The following PPA1 variants were observed in gnomAD, a reference collection of about 807,000 sequenced individuals.
PPA1 encodes the protein inorganic pyrophosphatase.
A neutral mutation model predicts 41.8 loss-of-function variants in PPA1; 23 were observed. The ratio of observed to expected loss-of-function variants is 0.55; its 90% CI spans 0.40 to 0.78. The LOEUF (loss-of-function observed/expected upper bound fraction) is 0.78. PPA1 is among the 30% of genes least tolerant of loss of function. The pLI is 0.00. For missense variants in PPA1, 320 were observed against 361.6 expected (o/e 0.89, Z 0.93); for synonymous variants, 101 against 116.8 (o/e 0.86, Z 0.87).
At chr10:70,220,546 T>A (rs1215603229) in intron 2 of PPA1, among the ~76,000 whole-genome samples, 1 of 12,492 alleles carries the variant, frequency 8.0e-5, no homozygotes, top group African/African-American at 6.8e-4. Flanking sequence ...AATTTTTATG[T>A]ATAATATATA....
chr10:70,233,333 C>G lies in PPA1; in HGVS notation c.-6G>C, dbSNP rs1309578540. On this transcript the variant is annotated 5_prime_UTR_variant, in exon 1 of 11. Coordinates refer to ENST00000373232, the MANE Select transcript of PPA1 (RefSeq NM_021129.4). ...TCGGTGCTGAAGCCGCTCATAGTGC[C>G]GGAGTCCTGCCGCCGCCGCTGCCAC... 8 of 1,536,936 alleles carry G rather than the reference C, an allele frequency of 5.2e-6. No individual in the cohort carries two copies. The East Asian group carries it at 7.5e-5, about 14-fold the overall frequency.
In PPA1 at chr10:70,209,192, T is replaced by G. The variant is rs1019730521; in HGVS notation, c.725+13A>C. Reference sequence around the variant, plus strand: ...TGCTTTGTGTGTTAAACATGCAAAGTGTTTACACTTACCAACTGATTCCTT... The same window carrying G: ...TGCTTTGTGTGTTAAACATGCAAAGGGTTTACACTTACCAACTGATTCCTT... On this transcript the variant is annotated intron_variant, in intron 8 of 10. Transcript: ENST00000373232. 10 of 1,551,814 alleles carry G rather than the reference T, an allele frequency of 6.4e-6. No homozygotes were observed. The highest frequency in any genetic ancestry group is 8.9e-6 in the Non-Finnish European group (10 of 1,124,116).
Position 70,217,842 on chromosome 10 carries a change from T to A in PPA1, c.267A>T (p.Gly89=). The A allele has an allele frequency of 6.2e-7, 1 of 1,601,898 alleles. No homozygotes were observed. Among genetic ancestry groups the A allele is most frequent in the Non-Finnish European group, 8.5e-7 (1 of 1,172,836 alleles). The stretch of plus-strand genomic sequence containing the variant: ...GGATGGCACCATAGTTCCAGATATA[T>A]CCTTTATACGGGAACAAATTCGCAA... ...RYVANLFPYK[G]YIWNYGAIPQ... The change falls in exon 4 of 11, where the codon GGA becomes GGT. Residue 89 remains glycine (G), a synonymous_variant. Coordinates refer to ENST00000373232, the MANE Select transcript of PPA1 (RefSeq NM_021129.4).
intron 8 of PPA1, among the ~76,000 whole-genome samples, chr10:70,208,173 A>G (rs1189832034): frequency 6.6e-6 from 1 of 152,192 alleles, no homozygotes; most frequent in East Asian, 1.9e-4. Context: ...CTGGGCAACA[A>G]GAGCAAGACT....
chr10:70,223,089 G>C (rs533792513), intron 2 of PPA1, among the ~76,000 whole-genome samples: 2 of 152,234 alleles, frequency 1.3e-5, no homozygotes, highest in South Asian at 4.1e-4. Context: ...TCTCAGCCAG[G>C]CGTGGCGACT....
chr10:70,206,378 T>A, intron 8 of PPA1, 45 bp from the exon 9 acceptor site: 1 of 1,424,986 alleles, frequency 7.0e-7, no homozygotes, highest in Non-Finnish European at 9.9e-7. Flanking sequence ...ATAACAAAAA[T>A]TATCTCTTAA....
intron 2 of PPA1, among the ~76,000 whole-genome samples, chr10:70,226,366 G>GAGTTCGCT (rs1840230896): frequency 6.6e-6 from 1 of 152,030 alleles, no homozygotes; most frequent in Admixed American, 6.6e-5. Flanking sequence ...TTGAGCTCAG[G>GAGTTCGCT]AGTTCGAGAC....
chr10:70,233,233 C>T, intron 1 of PPA1, 31 bp downstream of exon 1: 3 of 1,526,878 alleles, frequency 2.0e-6, no homozygotes, highest in Non-Finnish European at 1.8e-6. Context: ...GGCGGACGGG[C>T]GCGGAGGGGC....
At chr10:70,215,025 T>G (rs1027328556) in intron 4 of PPA1, among the ~76,000 whole-genome samples, 3 of 152,118 alleles carry the variant, frequency 2.0e-5, no homozygotes, top group African/African-American at 7.2e-5. Context: ...TGAAACACTG[T>G]ATCTACTAAA....
intron 6 of PPA1, among the ~76,000 whole-genome samples, chr10:70,213,113 T>C (rs1193133937): frequency 2.0e-5 from 3 of 152,180 alleles, no homozygotes; most frequent in Non-Finnish European, 2.9e-5. Context: ...TTAGTGAATA[T>C]ACTAAAAACC....
At chr10:70,204,989 AT>A in intron 9 of PPA1, 74 bp from the exon 10 acceptor site, 2 of 1,163,812 alleles carry the variant, frequency 1.7e-6, no homozygotes, top group Non-Finnish European at 2.5e-6. Flanking sequence ...ACTGACAAAA[AT>A]TTAAGAGAAT....
Position 70,233,382 on chromosome 10 carries a change from G to A in PPA1, c.-55C>T. ...ACAGAGCCACCAGCCCGCACGCGGCGCCGACTGACAAGGAGAGAGCCCCAC... is the reference window on the plus strand; with the variant it reads ...ACAGAGCCACCAGCCCGCACGCGGCACCGACTGACAAGGAGAGAGCCCCAC... On this transcript the variant is annotated 5_prime_UTR_variant, in exon 1 of 11. Transcript: ENST00000373232. 1.3e-6 allele frequency: 2 copies of A among 1,524,920 alleles called. No homozygotes were observed. The highest frequency in any genetic ancestry group is 1.4e-5 in the African/African-American group (1 of 70,958). 94.5% of individuals were successfully genotyped at this position (1,524,920 alleles called of 1,614,324 possible). A position where few individuals can be genotyped will look rare whatever the true frequency, so the allele number is the denominator to read the frequency against.
intron 2 of PPA1, among the ~76,000 whole-genome samples, chr10:70,221,076 A>ATATATATTTTTT: frequency 2.5e-5 from 1 of 40,028 alleles, no homozygotes; most frequent in African/African-American, 2.0e-4. Context: ...ATATATATAT[A>ATATATATTTTTT]TTTTTTTTTT....
chr10:70,221,078 T>TAA (rs1564584674), intron 2 of PPA1, among the ~76,000 whole-genome samples: 2 of 9,968 alleles, frequency 2.0e-4, no homozygotes, highest in African/African-American at 5.5e-4. Flanking sequence ...ATATATATAT[T>TAA]TTTTTTTTTT....
At chr10:70,224,114 T>C (rs1840203532) in intron 2 of PPA1, among the ~76,000 whole-genome samples, 1 of 152,022 alleles carries the variant, frequency 6.6e-6, no homozygotes, top group African/African-American at 2.4e-5. Flanking sequence ...GTCAGAAATA[T>C]AACTGTCTAT....
intron 2 of PPA1, among the ~76,000 whole-genome samples, chr10:70,222,241 CAGG>C (rs1468574810): frequency 6.9e-6 from 1 of 144,960 alleles, no homozygotes; most frequent in Non-Finnish European, 1.5e-5. Context: ...GAGGCTGAGG[CAGG>C]AGAATGGCGT....
chr10:70,221,078 T>TTATATATATATATATATATATATATATA, intron 2 of PPA1, among the ~76,000 whole-genome samples: 1 of 9,968 alleles, frequency 1.0e-4, no homozygotes, highest in African/African-American at 5.5e-4. Flanking sequence ...ATATATATAT[T>TTATATATATATATATATATATATATATA]TTTTTTTTTT....
At chr10:70,217,142 A>G (rs1334853938) in intron 4 of PPA1, among the ~76,000 whole-genome samples, 1 of 151,998 alleles carries the variant, frequency 6.6e-6, no homozygotes, top group Non-Finnish European at 1.5e-5. Flanking sequence ...CGGGTGACAA[A>G]GCAAGACTCC....
intron 5 of PPA1, among the ~76,000 whole-genome samples, chr10:70,213,847 T>A (rs1030989430): frequency 6.6e-6 from 1 of 152,206 alleles, no homozygotes; most frequent in African/African-American, 2.4e-5. Flanking sequence ...TCAATGTTTT[T>A]TGCACTGTCA....
Sources: gnomAD v4.1 joint callset for allele counts (sites outside exome capture counted in the v4.1 genomes callset) on GRCh38, gnomAD v4.1.1 for gene constraint, MANE v1.5 for transcripts, NCBI Gene and HGNC (gene_info 2026-07-23, HGNC 2026-07-21) for gene names.